Variants in KIAA1217 observed in about 807,000 individuals in gnomAD.
KIAA1217 encodes KIAA1217.
In KIAA1217, 88 loss-of-function variants were observed where a neutral mutation model predicts 163.9. That is an observed-to-expected ratio of 0.54 (90% confidence interval 0.45 to 0.64). The LOEUF (loss-of-function observed/expected upper bound fraction) is 0.64, where lower values mean the gene tolerates loss of function less well. Among genes scored for constraint, KIAA1217 ranks in the 30% least tolerant of loss-of-function variants. The probability of loss-of-function intolerance (pLI) is 0.00; values close to 1 mark genes in which losing one functional copy is unlikely to be tolerated. For missense variants in KIAA1217, 2,372 were observed against 2,475.0 expected, an observed-to-expected ratio of 0.96 and a Z score of 0.88; for synonymous variants, 903 against 923.1, an observed-to-expected ratio of 0.98 and a Z score of 0.39.
At chr10:23,896,707 G>C (rs1841719248) in intron 1 of KIAA1217, among the ~76,000 whole-genome samples, 1 of 152,082 alleles carries the variant, frequency 6.6e-6, no homozygotes, top group East Asian at 1.9e-4. Flanking sequence ...GTCTTGAGCA[G>C]CCAAACTTGG....
intron 2 of KIAA1217, among the ~76,000 whole-genome samples, chr10:24,359,093 T>G (rs2049579011): frequency 7.0e-6 from 1 of 142,804 alleles, no homozygotes; most frequent in African/African-American, 2.6e-5. Context: ...TTTTTTTTTT[T>G]TTTTTTGTTT....
intron 2 of KIAA1217, among the ~76,000 whole-genome samples, chr10:24,067,250 T>G (rs2060988458): frequency 6.6e-6 from 1 of 152,216 alleles, no homozygotes; most frequent in Non-Finnish European, 1.5e-5. Flanking sequence ...TTTTCTGCTC[T>G]GTTTTTTCCC....
At chr10:23,898,304 T>TAC (rs35343854) in intron 1 of KIAA1217, among the ~76,000 whole-genome samples, 6,353 of 149,266 alleles carry the variant, frequency 0.043, 176 homozygotes, top group Middle Eastern at 0.062. Flanking sequence ...ACTATATATA[T>TAC]ACACACACAC....
At chr10:24,222,984 T>C (rs1229784909) in intron 2 of KIAA1217, among the ~76,000 whole-genome samples, 1 of 152,204 alleles carries the variant, frequency 6.6e-6, no homozygotes, top group Non-Finnish European at 1.5e-5. Flanking sequence ...GACGTTGCCA[T>C]GGCATTTGTA....
chr10:24,290,002 G>A (rs2078937307), intron 2 of KIAA1217, among the ~76,000 whole-genome samples: 1 of 152,150 alleles, frequency 6.6e-6, no homozygotes, highest in Non-Finnish European at 1.5e-5. Context: ...TAGAGTTGAA[G>A]ATTTCAGATG....
intron 1 of KIAA1217, among the ~76,000 whole-genome samples, chr10:23,777,012 C>T (rs1034552091): frequency 2.0e-5 from 3 of 152,120 alleles, no homozygotes; most frequent in Non-Finnish European, 4.4e-5. Flanking sequence ...TTTCTTTAAG[C>T]ATAGCCTGTG....
In KIAA1217 at chr10:24,278,504, A is replaced by AT. The variant is rs1413530757; in HGVS notation, c.354+58596dup. ...GGATAAGGGATAATCTATCGAAAGCATGTGGCAAGTGGCAGACACAATGTG... is the reference window on the plus strand; with the variant it reads ...GGATAAGGGATAATCTATCGAAAGCATTGTGGCAAGTGGCAGACACAATGTG... On this transcript the variant is annotated intron_variant, in intron 2 of 20. Coordinates refer to ENST00000376454, the MANE Select transcript of KIAA1217 (RefSeq NM_019590.5). Among the ~76,000 whole-genome samples the AT allele has an allele frequency of 2.0e-5, 3 of 152,248 alleles. No individual in the cohort carries two copies. The East Asian group carries it at 5.8e-4, about 29-fold the overall frequency.
chr10:24,125,418 T>C (rs903638212), intron 2 of KIAA1217, among the ~76,000 whole-genome samples: 6 of 151,984 alleles, frequency 3.9e-5, no homozygotes, highest in Non-Finnish European at 7.4e-5. Flanking sequence ...ATTCAGACTT[T>C]GTATTGCTTC....
intron 2 of KIAA1217, among the ~76,000 whole-genome samples, chr10:24,148,775 T>G (rs1281382168): frequency 1.3e-5 from 2 of 152,200 alleles, no homozygotes; most frequent in Non-Finnish European, 2.9e-5. Flanking sequence ...TTATCCAGTC[T>G]CAAGTATTCC....
rs148354805 is a variant in KIAA1217, at chr10:23,767,782, C to T, written c.-321+72548C>T. On this transcript the variant is annotated intron_variant, in intron 1 of 18. Transcript: ENST00000376462. ...TGATTTCCTAATACAGAAGTGTATGCAGAAGGAAAAACTCAAGTAAGACAT... is the reference window on the plus strand; with the variant it reads ...TGATTTCCTAATACAGAAGTGTATGTAGAAGGAAAAACTCAAGTAAGACAT... Among the ~76,000 whole-genome samples the T allele has an allele frequency of 1.7e-3, 252 of 152,092 alleles. 12 individuals are homozygous for T. The East Asian group carries it at 0.027, about 16-fold the overall frequency.
At chr10:24,541,446 G>A (rs751654567) in intron 17 of KIAA1217, among the ~76,000 whole-genome samples, 1 of 152,096 alleles carries the variant, frequency 6.6e-6, no homozygotes, top group Non-Finnish European at 1.5e-5. Flanking sequence ...TTCCTCAGGC[G>A]TGTATGAACA....
At position 24,423,860 on chromosome 10, in the gene KIAA1217, T is replaced by C. The variant is rs7079043; in HGVS notation, c.554-9135T>C. 4.3e-3 allele frequency among the ~76,000 whole-genome samples: 648 copies of C among 152,322 alleles called. 6 individuals carry two copies. Among genetic ancestry groups the C allele is most frequent in the African/African-American group, 0.015 (617 of 41,574 alleles). The stretch of plus-strand genomic sequence containing the variant: ...CAAGGGCACATTCAAAATTGGAATT[T>C]AGCTTAAAATTATTATTGCCTGGAA... On this transcript the variant is annotated intron_variant, in intron 3 of 20. Coordinates refer to ENST00000376454, the MANE Select transcript of KIAA1217 (RefSeq NM_019590.5).
chr10:23,923,498 G>A lies in KIAA1217; in HGVS notation c.-320-83727G>A, dbSNP rs969447341. Among the ~76,000 whole-genome samples, 19 of 152,122 alleles carry A rather than the reference G, an allele frequency of 1.2e-4. 1 individual carries two copies. Among genetic ancestry groups the A allele is most frequent in the Admixed American group, 7.9e-4 (12 of 15,252 alleles). ...GGGGAGATGGTCCTGGATTATCTGG[G>A]TGGGCCCTAAATGTGATCACAGGCA... On this transcript the variant is annotated intron_variant, in intron 1 of 18. Coordinates refer to the KIAA1217 transcript ENST00000376462.
At chr10:24,503,588 TAGAATAAGTATCC>T (rs2067954873) in intron 9 of KIAA1217, among the ~76,000 whole-genome samples, 1 of 152,212 alleles carries the variant, frequency 6.6e-6, no homozygotes, top group African/African-American at 2.4e-5. Context: ...CTTAACCTGA[TAGAATAAGTATCC>T]AGTGTTTCTA....
intron 1 of KIAA1217, among the ~76,000 whole-genome samples, chr10:23,765,180 T>G (rs1285998732): frequency 6.9e-6 from 1 of 145,522 alleles, no homozygotes; most frequent in Non-Finnish European, 1.5e-5. Context: ...TTTCCCTTTT[T>G]TGTTCTCTTT....
In KIAA1217 at chr10:23,918,946, A is replaced by G. The variant is rs532364563; in HGVS notation, c.-320-88279A>G. ...CCCCATACAAGGCTTAAACAAGCACATGGGGAAGCCAGGTCTCTGATGAGT... is the reference window on the plus strand; with the variant it reads ...CCCCATACAAGGCTTAAACAAGCACGTGGGGAAGCCAGGTCTCTGATGAGT... On this transcript the variant is annotated intron_variant, in intron 1 of 18. Coordinates refer to the KIAA1217 transcript ENST00000376462. 1.4e-3 allele frequency among the ~76,000 whole-genome samples: 218 copies of G among 152,298 alleles called. 1 individual carries two copies. Among genetic ancestry groups the G allele is most frequent in the African/African-American group, 5.1e-3 (211 of 41,558 alleles).
chr10:24,536,799 A>G lies in KIAA1217; in HGVS notation c.3440A>G (p.Asp1147Gly). The G allele has an allele frequency of 1.2e-6, 2 of 1,613,794 alleles. No individual in the cohort carries two copies. Among genetic ancestry groups the G allele is most frequent in the Non-Finnish European group, 1.7e-6 (2 of 1,179,780 alleles). ...LQAFQKCSFM[D>G]VNSNSHAEPS... ...GCATTCCAGAAGTGTTCCTTTATGG[A>G]TGTAAATTCAAACAGTCATGCTGAG... is the stretch of plus-strand genomic sequence containing the variant. Residue 1147 changes from aspartate (D) to glycine (G), a missense_variant, in exon 17 of 21, where the codon GAT becomes GGT. By Grantham distance (94) the Asp-to-Gly change is moderately conservative. Transcript: ENST00000376454.
chr10:23,810,517 G>GT (rs1564441112), intron 1 of KIAA1217, among the ~76,000 whole-genome samples: 5 of 131,632 alleles, frequency 3.8e-5, no homozygotes, highest in African/African-American at 1.4e-4. Context: ...ATATACTATA[G>GT]ATAATCTATA....
intron 12 of KIAA1217, 85 bp downstream of exon 12, chr10:24,522,014 C>A: frequency 6.9e-7 from 1 of 1,458,676 alleles, no homozygotes; most frequent in Non-Finnish European, 9.3e-7. Context: ...CTTCAGCCTT[C>A]CACCATGCTC....
Sources: gnomAD v4.1 joint callset for allele counts (sites outside exome capture counted in the v4.1 genomes callset) on GRCh38, gnomAD v4.1.1 for gene constraint, MANE v1.5 for transcripts, NCBI Gene and HGNC (gene_info 2026-07-23, HGNC 2026-07-21) for gene names.